LOXHD1: variants seen among roughly 807,000 people sequenced by gnomAD.
LOXHD1 encodes the protein lipoxygenase homology domain-containing protein 1.
In LOXHD1, 205 loss-of-function variants were observed where a neutral mutation model predicts 248.2. That is an observed-to-expected ratio of 0.83 (90% confidence interval 0.74 to 0.93). LOXHD1 has a LOEUF of 0.93. LOXHD1 is among the 40% of genes least tolerant of loss of function. The probability of loss-of-function intolerance (pLI) is 0.00; values close to 1 mark genes in which losing one functional copy is unlikely to be tolerated. For missense variants in LOXHD1, 2,930 were observed against 2,971.6 expected (o/e 0.99, Z 0.33); for synonymous variants, 1,113 against 1,162.8 (o/e 0.96, Z 0.87).
intron 19 of LOXHD1, 120 bp from the exon 20 acceptor site, chr18:46,559,722 A>C: frequency 1.7e-6 from 2 of 1,153,462 alleles, no homozygotes; most frequent in Non-Finnish European, 2.4e-6. Context: ...ATGCATCTAC[A>C]CTAACCTGGG....
At chr18:46,594,574 C>T (rs974746600) in intron 8 of LOXHD1, 108 bp from the exon 9 acceptor site, 18 of 1,329,116 alleles carry the variant, frequency 1.4e-5, no homozygotes, top group Admixed American at 4.4e-5. Flanking sequence ...TGTATTAGGA[C>T]TCTCAAGGAA....
Position 46,623,991 on chromosome 18 carries a change from C to A in LOXHD1, c.512-5701G>T, listed in dbSNP as rs181919340. On this transcript the variant is annotated intron_variant, in intron 4 of 40. Coordinates refer to ENST00000642948, the MANE Select transcript of LOXHD1 (RefSeq NM_001384474.1). ...CCATCTCATCAAGACCCAGTGCGAT[C>A]TGAACCTCAGGGAAGCTCACGTGGT... Among the ~76,000 whole-genome samples the A allele has an allele frequency of 4.2e-3, 641 of 152,338 alleles. 3 individuals are homozygous for A. The highest frequency in any genetic ancestry group is 0.015 in the African/African-American group (623 of 41,580).
chr18:46,579,010 G>A (rs2037911035), intron 13 of LOXHD1, among the ~76,000 whole-genome samples: 2 of 152,202 alleles, frequency 1.3e-5, no homozygotes, highest in Admixed American at 1.3e-4. Context: ...GAAACAGGGG[G>A]AACACCCAAC....
At chr18:46,582,384 T>G (rs369562858) in intron 12 of LOXHD1, among the ~76,000 whole-genome samples, 14 of 151,994 alleles carry the variant, frequency 9.2e-5, no homozygotes, top group African/African-American at 3.4e-4. Context: ...TAATTGTAAT[T>G]TTCTGGGCAA....
chr18:46,586,480 T>C (rs989904680), intron 12 of LOXHD1, among the ~76,000 whole-genome samples: 2 of 152,220 alleles, frequency 1.3e-5, no homozygotes, highest in African/African-American at 2.4e-5. Context: ...AATTTTGTTC[T>C]TGTTGCCCAG....
intron 40 of LOXHD1, among the ~76,000 whole-genome samples, chr18:46,479,384 T>C (rs1369159658): frequency 6.6e-6 from 1 of 151,704 alleles, no homozygotes; most frequent in African/African-American, 2.4e-5. Context: ...CTCCCAAACC[T>C]TCTCTTGCAC....
At chr18:46,593,022 G>T (rs977195428) in intron 10 of LOXHD1, among the ~76,000 whole-genome samples, 1 of 152,156 alleles carries the variant, frequency 6.6e-6, no homozygotes, top group East Asian at 1.9e-4. Flanking sequence ...TAGCAGAAAA[G>T]ATAAATATAT....
rs2144265012 is a variant in LOXHD1 at position 46,533,151 on chromosome 18, A to G, written c.4375+11T>C. 1 of 1,551,574 alleles carries G rather than the reference A, an allele frequency of 6.4e-7. No homozygotes were observed. Among genetic ancestry groups the G allele is most frequent in the East Asian group, 2.4e-5 (1 of 40,906 alleles). ...TTCCCATGGTGATGAGGGTGGCCAC[A>G]CCACACTTACTGTCCAGAGGCTCTT... On this transcript the variant is annotated intron_variant, in intron 28 of 40. Transcript: ENST00000642948.
intron 35 of LOXHD1, 109 bp downstream of exon 35, chr18:46,509,589 T>A: frequency 1.2e-6 from 1 of 804,122 alleles, no homozygotes; most frequent in Non-Finnish European, 2.2e-6. Context: ...CATGTAATGA[T>A]CCTCTACAGT....
intron 37 of LOXHD1, among the ~76,000 whole-genome samples, chr18:46,495,976 G>C (rs2033838140): frequency 6.6e-6 from 1 of 152,164 alleles, no homozygotes; most frequent in Non-Finnish European, 1.5e-5. Context: ...AGGTTGCAGT[G>C]AGCCGAGATG....
At chr18:46,565,704 T>C (rs1224738365) in intron 17 of LOXHD1, among the ~76,000 whole-genome samples, 1 of 152,228 alleles carries the variant, frequency 6.6e-6, no homozygotes, top group African/African-American at 2.4e-5. Context: ...AGGTTACTTA[T>C]AATACCTAAT....
chr18:46,479,700 A>G (rs913329988), intron 40 of LOXHD1, among the ~76,000 whole-genome samples: 1 of 151,880 alleles, frequency 6.6e-6, no homozygotes, highest in African/African-American at 2.4e-5. Flanking sequence ...CAGGAATGCA[A>G]CACTGAAAAG....
Position 46,627,957 on chromosome 18 carries a change from G to T in LOXHD1, c.512-9667C>A, listed in dbSNP as rs187115009. 1.6e-3 allele frequency among the ~76,000 whole-genome samples: 251 copies of T among 152,316 alleles called. 1 individual carries two copies. The highest frequency in any genetic ancestry group is 3.6e-3 in the Admixed American group (55 of 15,306). Reference sequence around the variant, plus strand: ...AGACTCTAAGCTCCTAGAGAGAAGGGCCTGTATGTAATCACCCTGAGCGCA... The same window carrying T: ...AGACTCTAAGCTCCTAGAGAGAAGGTCCTGTATGTAATCACCCTGAGCGCA... On this transcript the variant is annotated intron_variant, in intron 4 of 40. Transcript: ENST00000642948.
intron 3 of LOXHD1, 29 bp from the exon 4 acceptor site, chr18:46,639,829 C>A (rs1381239258): frequency 6.4e-7 from 1 of 1,551,478 alleles, no homozygotes; most frequent in South Asian, 1.2e-5. Flanking sequence ...CCCACACCAT[C>A]ACTGGCAGAA....
intron 37 of LOXHD1, among the ~76,000 whole-genome samples, chr18:46,490,928 C>T (rs769385050): frequency 2.0e-5 from 3 of 152,280 alleles, no homozygotes; most frequent in South Asian, 2.1e-4. Flanking sequence ...GCCTCAAGTG[C>T]GACTGCTGGC....
At chr18:46,505,775 T>C (rs2034523631) in intron 37 of LOXHD1, 63 bp downstream of exon 37, 10 of 1,523,722 alleles carry the variant, frequency 6.6e-6, no homozygotes, top group Admixed American at 3.9e-5. Context: ...AGGGAGGGAA[T>C]AATGGCTCAG....
At position 46,599,879 on chromosome 18, in the gene LOXHD1, T is replaced by G. The variant is rs907012952; in HGVS notation, c.1134+1338A>C. ...ACCACAACAGGATCATTTTACAACCTCCAAAATGGTGAAAATTAAAAATTC... is the reference window on the plus strand; with the variant it reads ...ACCACAACAGGATCATTTTACAACCGCCAAAATGGTGAAAATTAAAAATTC... On this transcript the variant is annotated intron_variant, in intron 8 of 40. Coordinates refer to ENST00000642948, the MANE Select transcript of LOXHD1 (RefSeq NM_001384474.1). Among the ~76,000 whole-genome samples, 7 of 152,254 alleles carry G rather than the reference T, an allele frequency of 4.6e-5. No homozygotes were observed. In the East Asian group the frequency reaches 1.3e-3, roughly 29 times the overall value.
chr18:46,590,698 G>A (rs901523313), intron 12 of LOXHD1, among the ~76,000 whole-genome samples: 10 of 152,050 alleles, frequency 6.6e-5, no homozygotes, highest in East Asian at 1.9e-4. Context: ...AGTTATTACC[G>A]AATGCAAAAA....
chr18:46,551,875 A>G (rs2037119874), intron 21 of LOXHD1, among the ~76,000 whole-genome samples: 1 of 152,246 alleles, frequency 6.6e-6, no homozygotes, highest in African/African-American at 2.4e-5. Context: ...CAGCCTTAAA[A>G]AGGAAGGACA....
Sources: allele counts gnomAD v4.1 joint callset (sites outside exome capture counted in the v4.1 genomes callset), GRCh38; gene constraint gnomAD v4.1.1; transcripts MANE v1.5; gene names NCBI Gene and HGNC (gene_info 2026-07-23, HGNC 2026-07-21).